BLTP3B: variants seen among roughly 807,000 people sequenced by gnomAD.
BLTP3B encodes the protein bridge-like lipid transfer protein family member 3B, also known as UHRF1 (ICBP90) binding protein 1-like.
the BLTP3B span, chr12:100,142,595 G>A: frequency 8.1e-6 from 13 of 1,609,756 alleles, no homozygotes; most frequent in Non-Finnish European, 1.1e-5. Flanking sequence ...CACTGACCTG[G>A]AGAGGTGCTT....
chr12:100,119,266 A>G, the BLTP3B span, among the ~76,000 whole-genome samples: 1 of 151,902 alleles, frequency 6.6e-6, no homozygotes, highest in Non-Finnish European at 1.5e-5. Context: ...ACTGAAAACT[A>G]CAAAATACTG....
At chr12:100,113,882 C>T in the BLTP3B span, among the ~76,000 whole-genome samples, 2 of 151,894 alleles carry the variant, frequency 1.3e-5, no homozygotes, top group Non-Finnish European at 2.9e-5. Flanking sequence ...TTTAACAATG[C>T]ATGTTAGATT....
the BLTP3B span, chr12:100,108,512 T>C: frequency 1.2e-6 from 2 of 1,612,096 alleles, no homozygotes; most frequent in African/African-American, 2.7e-5. Context: ...TAAGGGTACT[T>C]AGATTTATCT....
At chr12:100,061,987 G>T in the BLTP3B span, among the ~76,000 whole-genome samples, 1 of 152,114 alleles carries the variant, frequency 6.6e-6, no homozygotes, top group Non-Finnish European at 1.5e-5. Context: ...TGAGTTCACT[G>T]GGTGGGCCCT....
the BLTP3B span, among the ~76,000 whole-genome samples, chr12:100,140,106 T>C: frequency 0.039 from 5,925 of 152,328 alleles, 154 homozygotes; most frequent in Non-Finnish European, 0.057. Context: ...AACCAGGTAA[T>C]TTCAAAAGTT....
At chr12:100,077,310 T>A in the BLTP3B span, among the ~76,000 whole-genome samples, 2 of 152,224 alleles carry the variant, frequency 1.3e-5, no homozygotes, top group Non-Finnish European at 2.9e-5. Flanking sequence ...GAATAGGATA[T>A]ACCATACATA....
At chr12:100,072,795 A>G in the BLTP3B span, 2 of 1,598,602 alleles carry the variant, frequency 1.3e-6, no homozygotes, top group Middle Eastern at 1.7e-4. Context: ...GAAGAACGAC[A>G]TTGTTCCGCT....
chr12:100,057,946 T>G, the BLTP3B span: 1 of 1,453,386 alleles, frequency 6.9e-7, no homozygotes. Flanking sequence ...TGAGCTTTTC[T>G]GCCTCAAAAC....
At chr12:100,118,276 T>C in the BLTP3B span, among the ~76,000 whole-genome samples, 6 of 151,910 alleles carry the variant, frequency 3.9e-5, no homozygotes, top group Admixed American at 1.3e-4. Flanking sequence ...CCTGTAGTTC[T>C]AGCTACTCAG....
chr12:100,062,977 T>A, the BLTP3B span, among the ~76,000 whole-genome samples: 58 of 141,074 alleles, frequency 4.1e-4, no homozygotes, highest in East Asian at 1.2e-3. Context: ...GAAAAGAATT[T>A]AAAAAAAAAA....
the BLTP3B span, among the ~76,000 whole-genome samples, chr12:100,108,141 T>C: frequency 6.6e-6 from 1 of 152,204 alleles, no homozygotes; most frequent in East Asian, 1.9e-4. Context: ...ATTAACAAAT[T>C]AATAATTTTG....
At chr12:100,130,961 TAG>T in the BLTP3B span, among the ~76,000 whole-genome samples, 282 of 93,574 alleles carry the variant, frequency 3.0e-3, 12 homozygotes, top group East Asian at 0.059. Context: ...TATATATATA[TAG>T]AGAGAGAGAG....
the BLTP3B span, among the ~76,000 whole-genome samples, chr12:100,062,022 T>C: frequency 1.3e-5 from 2 of 152,240 alleles, no homozygotes; most frequent in South Asian, 2.1e-4. Context: ...CATATTCTTA[T>C]AAGAACCGAA....
chr12:100,056,891 G>A, the BLTP3B span, among the ~76,000 whole-genome samples: 6 of 151,578 alleles, frequency 4.0e-5, no homozygotes, highest in Admixed American at 3.9e-4. Flanking sequence ...CTATGTTTTT[G>A]TGTCTGCAGC....
At chr12:100,078,060 T>C in the BLTP3B span, among the ~76,000 whole-genome samples, 2 of 152,148 alleles carry the variant, frequency 1.3e-5, no homozygotes, top group African/African-American at 2.4e-5. Flanking sequence ...TGGCCCCTGA[T>C]ATAGTTTGGA....
the BLTP3B span, among the ~76,000 whole-genome samples, chr12:100,063,400 C>A: frequency 6.6e-6 from 1 of 152,190 alleles, no homozygotes; most frequent in Non-Finnish European, 1.5e-5. Flanking sequence ...AGAATCCACA[C>A]CCACAGGAAG....
At chr12:100,141,895 T>G in the BLTP3B span, among the ~76,000 whole-genome samples, 1 of 152,062 alleles carries the variant, frequency 6.6e-6, no homozygotes, top group African/African-American at 2.4e-5. Flanking sequence ...TCCCTGAATT[T>G]TAGAGTTGCA....
chr12:100,064,100 C>G, the BLTP3B span, among the ~76,000 whole-genome samples: 1 of 152,104 alleles, frequency 6.6e-6, no homozygotes, highest in East Asian at 1.9e-4. Context: ...CCAATCAAAA[C>G]TTCAGGAATA....
the BLTP3B span, among the ~76,000 whole-genome samples, chr12:100,062,268 A>C: frequency 5.3e-5 from 8 of 152,356 alleles, no homozygotes; most frequent in Middle Eastern, 3.4e-3. Flanking sequence ...AGATATCTAA[A>C]ACTGCAAGCG....
Sources: gnomAD v4.1 joint callset for allele counts (sites outside exome capture counted in the v4.1 genomes callset) on GRCh38, gnomAD v4.1.1 for gene constraint, MANE v1.5 for transcripts, NCBI Gene and HGNC (gene_info 2026-07-23, HGNC 2026-07-21) for gene names.